The following ZNF100 variants were observed in gnomAD, a reference collection of about 807,000 sequenced individuals.
ZNF100 encodes the protein zinc finger protein 100 (Y1).
In ZNF100, 12 loss-of-function variants were observed where a neutral mutation model predicts 15.8. That is an observed-to-expected ratio of 0.76 (90% CI 0.49 to 1.23). The LOEUF is 1.23. ZNF100 is among the 50% of genes most tolerant of loss of function. The pLI is 0.00. For missense variants in ZNF100, 670 were observed against 635.6 expected (o/e 1.05, Z -0.58); for synonymous variants, 226 against 214.8 (o/e 1.05, Z -0.45).
At chr19:21,746,514 T>G (rs1389737050) in intron 2 of ZNF100, among the ~76,000 whole-genome samples, 1 of 152,158 alleles carries the variant, frequency 6.6e-6, no homozygotes, top group African/African-American at 2.4e-5. Flanking sequence ...AATAGGAATC[T>G]TGAGTATCCA....
At chr19:21,737,181 T>C (rs2036023153) in intron 4 of ZNF100, among the ~76,000 whole-genome samples, 1 of 151,126 alleles carries the variant, frequency 6.6e-6, no homozygotes, top group African/African-American at 2.4e-5. Flanking sequence ...AAGAATGAAA[T>C]AGACACAATA....
intron 4 of ZNF100, chr19:21,743,117 A>G (rs1291752856): frequency 1.3e-5 from 2 of 152,182 alleles, no homozygotes. Context: ...AGTCGCAGCT[A>G]CTCAGGAGGC....
intron 2 of ZNF100, chr19:21,746,858 C>T (rs1437438720): frequency 6.6e-6 from 1 of 152,128 alleles, no homozygotes; most frequent in Non-Finnish European, 1.5e-5. Context: ...CTTTCTCCTT[C>T]TTCTCTTGGA....
chr19:21,728,176 ATGAGT>A (rs1275264724), intron 4 of ZNF100, among the ~76,000 whole-genome samples, 187 bp from the exon 5 acceptor site: 2 of 151,864 alleles, frequency 1.3e-5, no homozygotes, highest in Non-Finnish European at 2.9e-5. Context: ...AAAATTATAA[ATGAGT>A]TAAGTGTGTG....
In ZNF100 at chr19:21,727,957, C is replaced by A. The variant is rs1200051822; in HGVS notation, c.355G>T (p.Ala119Ser). 1 of 1,540,520 alleles carries A rather than the reference C, an allele frequency of 6.5e-7. No individual in the cohort carries two copies. Among genetic ancestry groups the A allele is most frequent in the Non-Finnish European group, 8.7e-7 (1 of 1,149,266 alleles). ...ICSHFPQDLW[A>S]EQDIKDSFQE... ...AAAGAATCTTTAATGTCCTGCTCTG[C>A]CCAAAGGTCTTGGGGAAAATGAGAA... The change falls in exon 5 of 5, where the codon GCA (alanine) becomes TCA (serine). Residue 119 changes from alanine to serine, a missense_variant. By Grantham distance (99) the Ala-to-Ser change is moderately conservative (BLOSUM62 1). Transcript: ENST00000358296.
intron 2 of ZNF100, among the ~76,000 whole-genome samples, chr19:21,754,897 G>A (rs2036367429): frequency 6.6e-6 from 1 of 152,122 alleles, no homozygotes; most frequent in East Asian, 1.9e-4. Context: ...CTACCCATCT[G>A]ACAAAGGTCT....
At position 21,727,100 on chromosome 19, in the gene ZNF100, T is replaced by C; in HGVS notation, c.1212A>G (p.Glu404=). Residue 404 remains glutamate (E), a synonymous_variant, in exon 5 of 5, where the codon GAA becomes GAG. Coordinates refer to ENST00000358296, the MANE Select transcript of ZNF100 (RefSeq NM_173531.4). ...SHTGEKFYKC[E]ECGKGFNWSS... ...ACCAGTTAAAGCCTTTGCCGCATTC[T>C]TCACATTTGTAGAATTTCTCTCCAG... is the stretch of plus-strand genomic sequence containing the variant. 1 of 1,613,580 alleles carries C rather than the reference T, an allele frequency of 6.2e-7. No individual in the cohort carries two copies. The highest frequency in any genetic ancestry group is 8.5e-7 in the Non-Finnish European group (1 of 1,179,848).
At chr19:21,749,646 G>T (rs1472933387) in intron 2 of ZNF100, among the ~76,000 whole-genome samples, 1 of 152,146 alleles carries the variant, frequency 6.6e-6, no homozygotes, top group African/African-American at 2.4e-5. Flanking sequence ...GATACTTTGT[G>T]GCCTTGATCT....
intron 2 of ZNF100, among the ~76,000 whole-genome samples, chr19:21,755,991 A>G (rs1413248264): frequency 1.3e-5 from 2 of 152,212 alleles, no homozygotes; most frequent in Non-Finnish European, 1.5e-5. Context: ...CCAAACCACC[A>G]TGGCACACAT....
rs542591739 is a variant in ZNF100, at chr19:21,745,057, G to A, written c.107C>T (p.Thr36Met). 9.9e-6 allele frequency: 16 copies of A among 1,611,724 alleles called. No homozygotes were observed. Among genetic ancestry groups the A allele is most frequent in the South Asian group, 8.8e-5 (8 of 90,666 alleles). Residue 36 changes from threonine (T) to methionine (M), a missense_variant, in exon 3 of 5, where the codon ACG becomes ATG. Physicochemically the swap from Thr to Met is moderately conservative, Grantham distance 81. Coordinates refer to ENST00000358296, the MANE Select transcript of ZNF100 (RefSeq NM_173531.4). ...GAATTCTATGGCCACATCCCTAAAC[G>A]TCAATGGCCCCTGAAAAGCACAAGC... The part of the protein sequence containing the change: ...VQSYFEKGPL[T>M]FRDVAIEFSL...
At chr19:21,767,296 GAGGCCGAGCT>G in intron 1 of ZNF100, 121 bp downstream of exon 1, 1 of 1,509,786 alleles carries the variant, frequency 6.6e-7, no homozygotes, top group Non-Finnish European at 9.1e-7. Context: ...GAAGGGGACG[GAGGCCGAGCT>G]GGGCAAGGCG....
Position 21,727,055 on chromosome 19 carries a change from A to C in ZNF100, c.1257T>G (p.His419Gln), listed in dbSNP as rs755146922. 1.2e-6 allele frequency: 2 copies of C among 1,608,346 alleles called. No individual in the cohort carries two copies. The highest frequency in any genetic ancestry group is 1.7e-6 in the Non-Finnish European group (2 of 1,176,340). Residue 419 changes from histidine to glutamine, a missense_variant, in exon 5 of 5, where the codon CAT becomes CAG. His to Gln is a conservative substitution (Grantham distance 24, BLOSUM62 0). Coordinates refer to ENST00000358296, the MANE Select transcript of ZNF100 (RefSeq NM_173531.4). ...GTTTCTCTCCAGTATGAATTCTCTT[A>C]TGTTTAGTGAGGGCTGAGGACCAGT... is the stretch of plus-strand genomic sequence containing the variant. ...GFNWSSALTKHKRIHTGEKPY... is the reference protein window; with the variant it reads ...GFNWSSALTKQKRIHTGEKPY...
At chr19:21,766,709 T>G (rs749907408) in intron 1 of ZNF100, among the ~76,000 whole-genome samples, 15 of 152,150 alleles carry the variant, frequency 9.9e-5, no homozygotes, top group Admixed American at 2.0e-4. Flanking sequence ...ATTAAATTCT[T>G]TAGGCCAGGC....
chr19:21,726,339 GTT>G lies in ZNF100; in HGVS notation c.*342_*343del, dbSNP rs750852860. The G allele has an allele frequency of 4.5e-6, 1 of 220,512 alleles. No individual in the cohort carries two copies. The highest frequency in any genetic ancestry group is 1.1e-4 in the East Asian group (1 of 9,294). 13.7% of individuals were successfully genotyped at this position (220,512 alleles called of 1,614,324 possible). ...GTGAAGGTGTGAGCATTAGTTAAAA[GTT>G]TTGTCACACTGTTCACACATGTAGA... On this transcript the variant is annotated 3_prime_UTR_variant, in exon 5 of 5. Transcript: ENST00000358296.
At chr19:21,736,178 C>T (rs1249298930) in intron 4 of ZNF100, among the ~76,000 whole-genome samples, 2 of 152,234 alleles carry the variant, frequency 1.3e-5, no homozygotes, top group African/African-American at 2.4e-5. Context: ...ACCTTCACTT[C>T]GCAGGTTCAA....
At chr19:21,735,077 C>T (rs1418637785) in intron 4 of ZNF100, among the ~76,000 whole-genome samples, 1 of 152,150 alleles carries the variant, frequency 6.6e-6, no homozygotes, top group Non-Finnish European at 1.5e-5. Context: ...GAAGAAACCA[C>T]TACCAGCAAA....
At chr19:21,745,517 CTT>C (rs748619557) in intron 2 of ZNF100, among the ~76,000 whole-genome samples, 4 of 142,626 alleles carry the variant, frequency 2.8e-5, no homozygotes, top group Admixed American at 7.0e-5. Flanking sequence ...GAATTTCTTT[CTT>C]TTTTTTTTTT....
chr19:21,765,612 T>C (rs961891401), intron 2 of ZNF100, 82 bp downstream of exon 2: 2 of 1,284,210 alleles, frequency 1.6e-6, no homozygotes, highest in Non-Finnish European at 2.2e-6. Flanking sequence ...AATACCAGCA[T>C]CTGATTGGCT....
chr19:21,766,891 G>A (rs1005479510), intron 1 of ZNF100, among the ~76,000 whole-genome samples: 15 of 152,304 alleles, frequency 9.8e-5, no homozygotes, highest in African/African-American at 3.4e-4. Context: ...TTACTCGGGA[G>A]GCTGAGCCAG....
Sources: allele counts gnomAD v4.1 joint callset (sites outside exome capture counted in the v4.1 genomes callset), GRCh38; gene constraint gnomAD v4.1.1; transcripts MANE v1.5; gene names NCBI Gene and HGNC (gene_info 2026-07-23, HGNC 2026-07-21).